RHOJ: variants seen among roughly 807,000 people sequenced by gnomAD.
RHOJ encodes the protein rho-related GTP-binding protein RhoJ.
Under a neutral mutation model 23.4 loss-of-function variants are expected in RHOJ, and 11 were observed. The observed-to-expected ratio is 0.47, with a 90% confidence interval of 0.30 to 0.78. RHOJ has a LOEUF of 0.78. Among genes scored for constraint, RHOJ ranks in the 30% least tolerant of loss-of-function variants. The pLI is 0.08. For missense variants in RHOJ, 254 were observed against 273.4 expected (o/e 0.93, Z 0.50); for synonymous variants, 102 against 102.7 (o/e 0.99, Z 0.04).
At chr14:63,231,284 C>G (rs1894690694) in intron 1 of RHOJ, among the ~76,000 whole-genome samples, 1 of 152,144 alleles carries the variant, frequency 6.6e-6, no homozygotes, top group African/African-American at 2.4e-5. Flanking sequence ...TGTTATAAGC[C>G]CTTTATAGTG....
chr14:63,221,173 T>A (rs1314381459), intron 1 of RHOJ, among the ~76,000 whole-genome samples: 10 of 152,130 alleles, frequency 6.6e-5, no homozygotes, highest in South Asian at 4.2e-4. Flanking sequence ...TACAAAAAAA[T>A]TTTTAAATGA....
intron 1 of RHOJ, among the ~76,000 whole-genome samples, chr14:63,218,774 C>A (rs868709081): frequency 2.6e-5 from 4 of 152,286 alleles, no homozygotes; most frequent in Middle Eastern, 3.4e-3. Flanking sequence ...TGTAAACAAT[C>A]CCTGAGACAA....
At chr14:63,219,619 C>T (rs1188369026) in intron 1 of RHOJ, among the ~76,000 whole-genome samples, 2 of 152,068 alleles carry the variant, frequency 1.3e-5, no homozygotes, top group East Asian at 3.9e-4. Context: ...AGATCAAGAC[C>T]ATCCTGGTCA....
At chr14:63,257,721 T>G (rs1158803416) in intron 1 of RHOJ, among the ~76,000 whole-genome samples, 1 of 149,236 alleles carries the variant, frequency 6.7e-6, no homozygotes, top group African/African-American at 2.5e-5. Context: ...CTGATTTTTT[T>G]TTTCACAAGG....
chr14:63,287,946 C>T (rs779016559), intron 4 of RHOJ, among the ~76,000 whole-genome samples: 13 of 152,148 alleles, frequency 8.5e-5, no homozygotes, highest in Admixed American at 2.6e-4. Flanking sequence ...TCTTTGAGGA[C>T]ACAGATCATT....
intron 2 of RHOJ, among the ~76,000 whole-genome samples, chr14:63,278,140 T>A (rs1881792595): frequency 6.6e-6 from 1 of 152,068 alleles, no homozygotes; most frequent in African/African-American, 2.4e-5. Context: ...TAGTGGGGGT[T>A]TTTTTTGTTT....
intron 1 of RHOJ, among the ~76,000 whole-genome samples, chr14:63,267,342 G>T (rs565758374): frequency 5.8e-4 from 88 of 152,336 alleles, no homozygotes; most frequent in African/African-American, 2.0e-3. Context: ...ACATAGGTCA[G>T]AGCCATTGCT....
intron 1 of RHOJ, among the ~76,000 whole-genome samples, chr14:63,230,710 CACACACACAT>C (rs1319549508): frequency 1.3e-5 from 2 of 152,014 alleles, no homozygotes; most frequent in African/African-American, 4.8e-5. Context: ...CACACACACA[CACACACACAT>C]ACACACTTCT....
At chr14:63,288,738 A>G (rs892815499) in intron 4 of RHOJ, among the ~76,000 whole-genome samples, 3 of 152,180 alleles carry the variant, frequency 2.0e-5, no homozygotes, top group African/African-American at 7.2e-5. Flanking sequence ...TTCTTTTGGT[A>G]TTTTCCCTTG....
chr14:63,232,854 G>A (rs1379393155), intron 1 of RHOJ, among the ~76,000 whole-genome samples: 1 of 151,812 alleles, frequency 6.6e-6, no homozygotes, highest in Non-Finnish European at 1.5e-5. Flanking sequence ...GCACCACCAT[G>A]CTGGGCTAAT....
intron 1 of RHOJ, among the ~76,000 whole-genome samples, chr14:63,264,912 C>A (rs953305496): frequency 2.0e-5 from 3 of 152,088 alleles, no homozygotes; most frequent in Admixed American, 1.3e-4. Context: ...GAATATTATA[C>A]CTCTGTCAGA....
chr14:63,250,878 A>G (rs1895058739), intron 1 of RHOJ, among the ~76,000 whole-genome samples: 1 of 152,008 alleles, frequency 6.6e-6, no homozygotes, highest in Non-Finnish European at 1.5e-5. Context: ...TACCAAAAAT[A>G]CAAAAAATTA....
intron 1 of RHOJ, among the ~76,000 whole-genome samples, chr14:63,210,145 A>C (rs1474104911): frequency 6.6e-6 from 1 of 151,558 alleles, no homozygotes; most frequent in Non-Finnish European, 1.5e-5. Flanking sequence ...TATTTTTAGT[A>C]AAGACGGGGT....
intron 1 of RHOJ, among the ~76,000 whole-genome samples, chr14:63,231,957 CT>C: frequency 6.6e-6 from 1 of 152,286 alleles, no homozygotes; most frequent in East Asian, 1.9e-4. Context: ...GTTGGTTTGG[CT>C]CCTAAAACAC....
chr14:63,285,689 C>A (rs1464879212), intron 4 of RHOJ, among the ~76,000 whole-genome samples: 1 of 152,056 alleles, frequency 6.6e-6, no homozygotes, highest in Non-Finnish European at 1.5e-5. Context: ...AGTTTTTAAT[C>A]CTCAGCCTAC....
intron 1 of RHOJ, among the ~76,000 whole-genome samples, chr14:63,258,707 G>A (rs1895222941): frequency 6.6e-6 from 1 of 152,168 alleles, no homozygotes; most frequent in African/African-American, 2.4e-5. Context: ...AAAGAGGGTA[G>A]AAGCAAAGCT....
At chr14:63,256,868 T>G (rs1895175560) in intron 1 of RHOJ, among the ~76,000 whole-genome samples, 1 of 151,668 alleles carries the variant, frequency 6.6e-6, no homozygotes, top group Non-Finnish European at 1.5e-5. Flanking sequence ...GGTCAGAAGT[T>G]TGAGGCCAGC....
chr14:63,219,515 G>T (rs751529230), intron 1 of RHOJ, among the ~76,000 whole-genome samples: 1 of 151,806 alleles, frequency 6.6e-6, no homozygotes, highest in Non-Finnish European at 1.5e-5. Context: ...TTTGGTAAGT[G>T]CATTAAGAGT....
intron 4 of RHOJ, 140 bp downstream of exon 4, chr14:63,283,356 C>T (rs575523238): frequency 1.1e-5 from 8 of 720,560 alleles, no homozygotes; most frequent in African/African-American, 1.0e-4. Flanking sequence ...CTATTCTCCC[C>T]CTCTGTTCTA....
Sources: gnomAD v4.1 joint callset for allele counts (sites outside exome capture counted in the v4.1 genomes callset) on GRCh38, gnomAD v4.1.1 for gene constraint, MANE v1.5 for transcripts, NCBI Gene and HGNC (gene_info 2026-07-23, HGNC 2026-07-21) for gene names.